Variants in UBE2L3 observed in about 807,000 individuals in gnomAD.
The protein encoded by UBE2L3 is ubiquitin conjugating enzyme E2 L3.
In UBE2L3, 1 loss-of-function variant was observed where a neutral mutation model predicts 17.8. That is an observed-to-expected ratio of 0.06 (90% CI 0.02 to 0.27). The LOEUF (loss-of-function observed/expected upper bound fraction) is 0.27, where lower values mean the gene tolerates loss of function less well. Among genes scored for constraint, UBE2L3 ranks in the 10% least tolerant of loss-of-function variants. The pLI, the probability that UBE2L3 is intolerant of heterozygous loss-of-function variation, is 1.00. For synonymous variants in UBE2L3, 44 were observed against 68.5 expected, an observed-to-expected ratio of 0.64 and a Z score of 1.76; for missense variants, 40 against 192.6, an observed-to-expected ratio of 0.21 and a Z score of 4.69.
intron 1 of UBE2L3, among the ~76,000 whole-genome samples, chr22:21,572,321 G>T (rs544583461): frequency 6.7e-6 from 1 of 150,246 alleles, no homozygotes; most frequent in South Asian, 2.1e-4. Context: ...TGTAATCCCA[G>T]CTACTCGGGA....
chr22:21,558,916 C>T (rs1044456826), intron 1 of UBE2L3, among the ~76,000 whole-genome samples: 1 of 151,932 alleles, frequency 6.6e-6, no homozygotes, highest in Non-Finnish European at 1.5e-5. Flanking sequence ...CAGAGGCAGA[C>T]AGGCCAGATG....
At chr22:21,586,906 TTCTCGC>T (rs1281216849) in intron 1 of UBE2L3, among the ~76,000 whole-genome samples, 16 of 145,220 alleles carry the variant, frequency 1.1e-4, no homozygotes, top group African/African-American at 4.1e-4. Flanking sequence ...TTAAGATAGG[TTCTCGC>T]TCTGTCGCCC....
intron 1 of UBE2L3, among the ~76,000 whole-genome samples, chr22:21,580,498 G>A (rs1198562238): frequency 6.6e-6 from 1 of 152,190 alleles, no homozygotes; most frequent in Non-Finnish European, 1.5e-5. Context: ...TGCCCAGGCT[G>A]GAGTGCAGTG....
At chr22:21,560,526 C>T (rs1368776065) in intron 1 of UBE2L3, among the ~76,000 whole-genome samples, 66 of 141,088 alleles carry the variant, frequency 4.7e-4, no homozygotes, top group Admixed American at 1.1e-3. Flanking sequence ...TCTTGGCTCA[C>T]TGTAACTTCT....
chr22:21,619,626 C>G (rs1379119072), intron 3 of UBE2L3, among the ~76,000 whole-genome samples: 3 of 152,224 alleles, frequency 2.0e-5, no homozygotes, highest in African/African-American at 7.2e-5. Context: ...TGCTGTGGCC[C>G]TCACTTAATG....
In UBE2L3 at chr22:21,592,973, T is replaced by A; in HGVS notation, c.123+17T>A. 1.9e-6 allele frequency: 3 copies of A among 1,596,410 alleles called. No individual in the cohort carries two copies. Among genetic ancestry groups the A allele is most frequent in the Non-Finnish European group, 2.6e-6 (3 of 1,163,932 alleles). The stretch of plus-strand genomic sequence containing the variant: ...ATTGTTCCTGTGAGTATTGAACACT[T>A]CCACTTCCTACCAGATTATTCTTTA... On this transcript the variant is annotated intron_variant, in intron 2 of 3. Coordinates refer to ENST00000342192, the MANE Select transcript of UBE2L3 (RefSeq NM_003347.4).
chr22:21,616,290 A>G (rs901433126), intron 3 of UBE2L3, among the ~76,000 whole-genome samples: 2 of 152,102 alleles, frequency 1.3e-5, no homozygotes, highest in African/African-American at 4.8e-5. Flanking sequence ...TAGATTAGTG[A>G]TTGTCAGGGT....
intron 2 of UBE2L3, among the ~76,000 whole-genome samples, chr22:21,595,432 C>A (rs1928460984): frequency 6.6e-6 from 1 of 152,304 alleles, no homozygotes; most frequent in South Asian, 2.1e-4. Flanking sequence ...TACAAACTCA[C>A]CTGAGGTCTG....
intron 3 of UBE2L3, among the ~76,000 whole-genome samples, chr22:21,611,489 G>A (rs941504195): frequency 3.3e-5 from 5 of 152,200 alleles, no homozygotes; most frequent in East Asian, 3.8e-4. Flanking sequence ...GGAAGGGCAT[G>A]GGCTAGAGCC....
intron 1 of UBE2L3, among the ~76,000 whole-genome samples, chr22:21,589,306 C>T (rs1377796974): frequency 2.0e-5 from 3 of 151,880 alleles, no homozygotes; most frequent in Admixed American, 6.6e-5. Flanking sequence ...CCACCATGCC[C>T]GGCTAATTTT....
intron 1 of UBE2L3, among the ~76,000 whole-genome samples, chr22:21,558,570 G>T (rs1489382902): frequency 1.3e-5 from 2 of 150,542 alleles, no homozygotes; most frequent in East Asian, 2.0e-4. Flanking sequence ...GGCAGAGCTT[G>T]CAGTGAGCCA....
chr22:21,580,804 C>G (rs1927576930), intron 1 of UBE2L3, among the ~76,000 whole-genome samples: 1 of 151,466 alleles, frequency 6.6e-6, no homozygotes, highest in Non-Finnish European at 1.5e-5. Flanking sequence ...AGGCTGGCCT[C>G]GAACTCCTGA....
At chr22:21,598,383 G>C (rs1227702805) in intron 2 of UBE2L3, among the ~76,000 whole-genome samples, 5 of 151,612 alleles carry the variant, frequency 3.3e-5, no homozygotes, top group Non-Finnish European at 5.9e-5. Flanking sequence ...TTAAGTTTTG[G>C]TATGTCATTT....
At chr22:21,566,584 T>TG (rs1176886865), upstream of UBE2L3, among the ~76,000 whole-genome samples, 8 of 132,374 alleles carry the variant, frequency 6.0e-5, no homozygotes, top group Admixed American at 6.7e-4. Context: ...AGACTCTGTC[T>TG]CAAAAAAAAA....
chr22:21,588,292 G>C (rs1019375545), intron 1 of UBE2L3, among the ~76,000 whole-genome samples: 6 of 151,914 alleles, frequency 3.9e-5, no homozygotes, highest in African/African-American at 1.5e-4. Context: ...ATTTACATTG[G>C]TTTCCTTCAA....
intron 1 of UBE2L3, among the ~76,000 whole-genome samples, chr22:21,562,357 G>A (rs1310777252): frequency 1.3e-5 from 2 of 148,346 alleles, no homozygotes; most frequent in Non-Finnish European, 3.0e-5. Flanking sequence ...ACTGCACCCG[G>A]CTAATTTTTT....
At chr22:21,585,381 G>T (rs1368058231) in intron 1 of UBE2L3, among the ~76,000 whole-genome samples, 1 of 152,132 alleles carries the variant, frequency 6.6e-6, no homozygotes, top group Non-Finnish European at 1.5e-5. Context: ...TGTGACTTGG[G>T]GTGTGGTTTT....
chr22:21,580,025 A>G (rs1927536649), intron 1 of UBE2L3, among the ~76,000 whole-genome samples: 1 of 152,236 alleles, frequency 6.6e-6, no homozygotes, highest in African/African-American at 2.4e-5. Flanking sequence ...GCTGTGCAGG[A>G]CTAGGGAAAA....
intron 1 of UBE2L3, among the ~76,000 whole-genome samples, chr22:21,587,795 G>A (rs1928027832): frequency 6.6e-6 from 1 of 152,158 alleles, no homozygotes. Flanking sequence ...TCTCTGCCAT[G>A]CTTCACACTT....
Sources: allele counts gnomAD v4.1 joint callset (sites outside exome capture counted in the v4.1 genomes callset), GRCh38; gene constraint gnomAD v4.1.1; transcripts MANE v1.5; gene names NCBI Gene and HGNC (gene_info 2026-07-23, HGNC 2026-07-21).